KCNH5: variants seen among roughly 807,000 people sequenced by gnomAD.
KCNH5 encodes the protein voltage-gated delayed rectifier potassium channel KCNH5.
A neutral mutation model predicts 96.1 loss-of-function variants in KCNH5; 46 were observed. That is an observed-to-expected ratio of 0.48 (90% CI 0.38 to 0.61). The LOEUF is 0.61. KCNH5 is among the 20% of genes least tolerant of loss of function. The probability of loss-of-function intolerance (pLI) is 0.00; values close to 1 mark genes in which losing one functional copy is unlikely to be tolerated. For synonymous variants in KCNH5, 439 were observed against 449.8 expected (o/e 0.98, Z 0.30); for missense variants, 907 against 1,225.8 (o/e 0.74, Z 3.88).
At chr14:62,913,844 A>G (rs1468224693) in intron 7 of KCNH5, among the ~76,000 whole-genome samples, 5 of 152,200 alleles carry the variant, frequency 3.3e-5, no homozygotes, top group African/African-American at 4.8e-5. Context: ...TTTTTAAAAA[A>G]TTACTCTTGG....
Position 63,006,332 on chromosome 14 carries a change from G to C in KCNH5, c.304+34C>G, listed in dbSNP as rs1471478592. ...TTACCAAACATAATATTAATAAAGA[G>C]TTGGCACATCTTATTAATAATTGAG... On this transcript the variant is annotated intron_variant, in intron 3 of 10. Coordinates refer to ENST00000322893, the MANE Select transcript of KCNH5 (RefSeq NM_139318.5). The C allele has an allele frequency of 4.7e-6, 6 of 1,283,966 alleles. No homozygotes were observed. In the South Asian group the frequency reaches 7.2e-5, roughly 15 times the overall value. The allele number at this position is 1,283,966 out of a possible 1,614,324, so 79.5% of individuals were successfully genotyped here.
chr14:62,738,256 T>A lies in KCNH5; in HGVS notation c.2020-29801A>T, dbSNP rs190781496. Among the ~76,000 whole-genome samples, 259 of 152,278 alleles carry A rather than the reference T, an allele frequency of 1.7e-3. 2 individuals carry two copies. Among genetic ancestry groups the A allele is most frequent in the African/African-American group, 6.1e-3 (254 of 41,566 alleles). On this transcript the variant is annotated intron_variant, in intron 10 of 10. Transcript: ENST00000322893. ...GGATGGAGCTGGACTGCTTCAGATT[T>A]CATCACTTCTCAGAACAACCCACAA...
chr14:62,906,128 C>T (rs906715517), intron 7 of KCNH5, among the ~76,000 whole-genome samples: 3 of 152,190 alleles, frequency 2.0e-5, no homozygotes, highest in East Asian at 1.9e-4. Context: ...TTTATTGGCT[C>T]ATTCATTTAT....
At chr14:62,973,948 C>A (rs1890455926) in intron 6 of KCNH5, among the ~76,000 whole-genome samples, 1 of 152,080 alleles carries the variant, frequency 6.6e-6, no homozygotes, top group Non-Finnish European at 1.5e-5. Flanking sequence ...ATTAGCCTTC[C>A]TGATTTCCTG....
chr14:62,901,407 T>C (rs1888923265), intron 7 of KCNH5, among the ~76,000 whole-genome samples: 1 of 152,052 alleles, frequency 6.6e-6, no homozygotes, highest in African/African-American at 2.4e-5. Flanking sequence ...GAACCCAGTT[T>C]CTATTACTGC....
At chr14:62,710,964 C>A (rs915062) in intron 10 of KCNH5, among the ~76,000 whole-genome samples, 137,388 of 152,192 alleles carry the variant, frequency 0.9, 63,490 homozygotes, top group East Asian at 1. Context: ...TAGACAAGGA[C>A]ATTCCTATTT....
chr14:62,802,607 T>C, intron 8 of KCNH5, 26 bp from the exon 9 acceptor site: 2 of 1,608,530 alleles, frequency 1.2e-6, no homozygotes, highest in South Asian at 1.1e-5. Flanking sequence ...GATGAATAAG[T>C]GAAAAGGAAA....
intron 6 of KCNH5, among the ~76,000 whole-genome samples, chr14:62,970,044 TAAAAA>T (rs373852520): frequency 3.3e-4 from 10 of 30,406 alleles, no homozygotes; most frequent in Non-Finnish European, 6.5e-5. Flanking sequence ...AGACTCCGTC[TAAAAA>T]AAAAAAAAAA....
intron 6 of KCNH5, among the ~76,000 whole-genome samples, chr14:62,961,971 A>G (rs1890219138): frequency 6.6e-6 from 1 of 151,936 alleles, no homozygotes. Context: ...ATGGAGACGG[A>G]GATGCAGATA....
chr14:62,991,355 G>C (rs1445902657), intron 4 of KCNH5, among the ~76,000 whole-genome samples: 1 of 151,948 alleles, frequency 6.6e-6, no homozygotes, highest in Non-Finnish European at 1.5e-5. Context: ...TTCTGGAAGT[G>C]TTAAGGATTA....
chr14:63,021,984 T>C (rs1217708193), intron 1 of KCNH5, among the ~76,000 whole-genome samples: 1 of 152,200 alleles, frequency 6.6e-6, no homozygotes, highest in African/African-American at 2.4e-5. Context: ...TGCTTATCTA[T>C]GTCCATAGAT....
chr14:63,008,032 C>T (rs2139598957), intron 2 of KCNH5, among the ~76,000 whole-genome samples: 1 of 152,222 alleles, frequency 6.6e-6, no homozygotes, highest in African/African-American at 2.4e-5. Flanking sequence ...ATACACAGTT[C>T]TGCTGATCGG....
intron 8 of KCNH5, among the ~76,000 whole-genome samples, chr14:62,827,188 T>C (rs1317047730): frequency 6.6e-6 from 1 of 152,192 alleles, no homozygotes; most frequent in Non-Finnish European, 1.5e-5. Context: ...AAGACAGGTG[T>C]TTATATTTGC....
chr14:62,897,395 A>G (rs1025058333), intron 7 of KCNH5, among the ~76,000 whole-genome samples: 1 of 152,186 alleles, frequency 6.6e-6, no homozygotes, highest in African/African-American at 2.4e-5. Context: ...AAGGCAAGAA[A>G]AGTATTTTTA....
chr14:63,038,403 G>A (rs1022345461), intron 1 of KCNH5, among the ~76,000 whole-genome samples: 2 of 152,088 alleles, frequency 1.3e-5, no homozygotes, highest in Non-Finnish European at 2.9e-5. Context: ...AAGCTGTTAT[G>A]ATTATGCACA....
chr14:62,979,045 T>A (rs1237447866), intron 6 of KCNH5, among the ~76,000 whole-genome samples: 2 of 152,174 alleles, frequency 1.3e-5, no homozygotes, highest in Admixed American at 6.5e-5. Context: ...TCTTCCACCA[T>A]CTCTCCATTC....
At chr14:62,760,352 G>A (rs1017594390) in intron 10 of KCNH5, among the ~76,000 whole-genome samples, 4 of 152,068 alleles carry the variant, frequency 2.6e-5, no homozygotes, top group South Asian at 2.1e-4. Context: ...TACCTAACAC[G>A]GTCACCGAGG....
intron 7 of KCNH5, among the ~76,000 whole-genome samples, chr14:62,862,137 A>G (rs887624982): frequency 2.6e-5 from 4 of 152,206 alleles, no homozygotes; most frequent in African/African-American, 9.6e-5. Flanking sequence ...TATAACTTAC[A>G]TCACTTTTTC....
chr14:62,902,273 A>G (rs1201874169), intron 7 of KCNH5, among the ~76,000 whole-genome samples: 1 of 151,104 alleles, frequency 6.6e-6, no homozygotes, highest in East Asian at 1.9e-4. Flanking sequence ...GGACTTACTC[A>G]TAAATGCTTT....
Sources: allele counts gnomAD v4.1 joint callset (sites outside exome capture counted in the v4.1 genomes callset), GRCh38; gene constraint gnomAD v4.1.1; transcripts MANE v1.5; gene names NCBI Gene and HGNC (gene_info 2026-07-23, HGNC 2026-07-21).